THSD7B: variants seen among roughly 807,000 people sequenced by gnomAD.
THSD7B encodes thrombospondin type 1 domain containing 7B.
Under a neutral mutation model 213.6 loss-of-function variants are expected in THSD7B, and 138 were observed. The observed-to-expected ratio is 0.65, with a 90% CI of 0.56 to 0.74. The LOEUF is 0.74. Among genes scored for constraint, THSD7B ranks in the 30% least tolerant of loss-of-function variants. The probability of loss-of-function intolerance (pLI) is 0.00; values close to 1 mark genes in which losing one functional copy is unlikely to be tolerated. For synonymous variants in THSD7B, 742 were observed against 687.0 expected (o/e 1.08, Z -1.25); for missense variants, 1,931 against 1,991.5 (o/e 0.97, Z 0.58).
intron 12 of THSD7B, among the ~76,000 whole-genome samples, chr2:137,305,480 A>G (rs746991656): frequency 3.3e-5 from 5 of 152,070 alleles, no homozygotes; most frequent in African/African-American, 7.2e-5. Context: ...CATTCATGCT[A>G]TCTTTAACCT....
At chr2:137,621,303 C>T (rs1002753637) in intron 20 of THSD7B, among the ~76,000 whole-genome samples, 3 of 152,144 alleles carry the variant, frequency 2.0e-5, no homozygotes, top group Non-Finnish European at 4.4e-5. Context: ...CAAAATTGCT[C>T]TATGTTTCCA....
intron 15 of THSD7B, among the ~76,000 whole-genome samples, chr2:137,551,512 C>A (rs1200650971): frequency 6.6e-6 from 1 of 152,116 alleles, no homozygotes; most frequent in Non-Finnish European, 1.5e-5. Flanking sequence ...AATAATATTG[C>A]TGTCCTTAAG....
intron 4 of THSD7B, among the ~76,000 whole-genome samples, chr2:137,113,260 C>T (rs571049352): frequency 6.6e-6 from 1 of 152,112 alleles, no homozygotes; most frequent in African/African-American, 2.4e-5. Context: ...AAAAACAAGG[C>T]TTCTGCTGAG....
intron 25 of THSD7B, among the ~76,000 whole-genome samples, chr2:137,661,221 A>G (rs1346380787): frequency 2.0e-5 from 3 of 152,210 alleles, no homozygotes; most frequent in African/African-American, 7.2e-5. Context: ...ACAGATAGGA[A>G]TCTTCATCCA....
intron 17 of THSD7B, among the ~76,000 whole-genome samples, chr2:137,574,613 A>G (rs1681421102): frequency 1.3e-5 from 2 of 152,178 alleles, no homozygotes; most frequent in African/African-American, 4.8e-5. Context: ...CTGTCTGACC[A>G]CAATGGCCTT....
At chr2:137,055,940 C>T (rs906298567) in intron 2 of THSD7B, among the ~76,000 whole-genome samples, 2 of 152,152 alleles carry the variant, frequency 1.3e-5, no homozygotes, top group Non-Finnish European at 2.9e-5. Context: ...AGCTGAAAGA[C>T]TGGAAATATG....
At chr2:136,937,491 C>A (rs1173629130) in intron 2 of THSD7B, among the ~76,000 whole-genome samples, 1 of 152,156 alleles carries the variant, frequency 6.6e-6, no homozygotes, top group South Asian at 2.1e-4. Context: ...CCGAGTCAAG[C>A]CTTCTGCTGT....
intron 4 of THSD7B, among the ~76,000 whole-genome samples, chr2:137,098,577 A>G (rs1232817779): frequency 6.6e-6 from 1 of 152,212 alleles, no homozygotes; most frequent in Admixed American, 6.5e-5. Flanking sequence ...GCATCATTTG[A>G]ACAAGCAGGA....
intron 16 of THSD7B, among the ~76,000 whole-genome samples, chr2:137,568,236 T>A (rs921657705): frequency 6.6e-6 from 1 of 151,810 alleles, no homozygotes; most frequent in Admixed American, 6.6e-5. Context: ...GAAGTGGAGA[T>A]AGCAAATATA....
At chr2:137,566,172 C>CTTGTGAATA (rs1220261916) in intron 16 of THSD7B, among the ~76,000 whole-genome samples, 3 of 152,132 alleles carry the variant, frequency 2.0e-5, no homozygotes, top group African/African-American at 7.2e-5. Flanking sequence ...ATCAAAAATA[C>CTTGTGAATA]TTGTGAATAT....
chr2:137,024,806 T>C (rs1448619777), intron 2 of THSD7B, among the ~76,000 whole-genome samples: 6 of 152,140 alleles, frequency 3.9e-5, no homozygotes, highest in African/African-American at 1.4e-4. Context: ...AGGCCAAATA[T>C]ATAATTATCA....
intron 7 of THSD7B, among the ~76,000 whole-genome samples, chr2:137,196,789 G>T (rs924702775): frequency 6.6e-6 from 1 of 152,106 alleles, no homozygotes; most frequent in Non-Finnish European, 1.5e-5. Context: ...CTTGGATTCT[G>T]TCACGAAGAT....
At chr2:136,782,598 G>C (rs1057437090) in intron 1 of THSD7B, among the ~76,000 whole-genome samples, 3 of 152,076 alleles carry the variant, frequency 2.0e-5, no homozygotes, top group African/African-American at 7.2e-5. Context: ...AGAGTAGAAT[G>C]GTGGTTACCT....
chr2:137,192,590 G>A (rs1187407949), intron 7 of THSD7B, among the ~76,000 whole-genome samples: 1 of 152,104 alleles, frequency 6.6e-6, no homozygotes, highest in Non-Finnish European at 1.5e-5. Flanking sequence ...CATTTTTCCA[G>A]AATAATGAGT....
intron 15 of THSD7B, among the ~76,000 whole-genome samples, chr2:137,473,793 G>A (rs1207036987): frequency 1.3e-5 from 2 of 152,146 alleles, no homozygotes; most frequent in Non-Finnish European, 2.9e-5. Context: ...TCTGCTTTAT[G>A]ATTATGAAAA....
At chr2:137,302,108 A>G (rs1035350722) in intron 12 of THSD7B, among the ~76,000 whole-genome samples, 1 of 152,090 alleles carries the variant, frequency 6.6e-6, no homozygotes, top group Non-Finnish European at 1.5e-5. Context: ...GATAGGCCCT[A>G]TAAATGTTAT....
chr2:137,605,846 T>C (rs552350137), intron 17 of THSD7B, among the ~76,000 whole-genome samples: 1 of 152,066 alleles, frequency 6.6e-6, no homozygotes, highest in South Asian at 2.1e-4. Flanking sequence ...TTTTTTTGTA[T>C]TTTTAGTAGA....
chr2:137,174,116 T>G (rs777758227), intron 7 of THSD7B, among the ~76,000 whole-genome samples: 1 of 152,352 alleles, frequency 6.6e-6, no homozygotes, highest in Non-Finnish European at 1.5e-5. Flanking sequence ...TACTCAGACT[T>G]GAGGCCTACC....
At chr2:136,877,298 C>A (rs902907742) in intron 1 of THSD7B, among the ~76,000 whole-genome samples, 2 of 152,092 alleles carry the variant, frequency 1.3e-5, no homozygotes, top group African/African-American at 4.8e-5. Flanking sequence ...TTAGCAAAAG[C>A]GCAGTTGTGA....
Sources: gnomAD v4.1 joint callset for allele counts (sites outside exome capture counted in the v4.1 genomes callset) on GRCh38, gnomAD v4.1.1 for gene constraint, MANE v1.5 for transcripts, NCBI Gene and HGNC (gene_info 2026-07-23, HGNC 2026-07-21) for gene names.